HECTD2: variants seen among roughly 807,000 people sequenced by gnomAD.
HECTD2 encodes the protein HECT domain E3 ubiquitin protein ligase 2.
In HECTD2, 35 loss-of-function variants were observed where a neutral mutation model predicts 103.2. That is an observed-to-expected ratio of 0.34 (90% CI 0.26 to 0.45). The LOEUF is 0.45. Among genes scored for constraint, HECTD2 ranks in the 20% least tolerant of loss-of-function variants. The probability of loss-of-function intolerance (pLI) is 1.00; values close to 1 mark genes in which losing one functional copy is unlikely to be tolerated. For missense variants in HECTD2, 596 were observed against 937.4 expected (o/e 0.64, Z 4.76); for synonymous variants, 281 against 329.9 (o/e 0.85, Z 1.61).
intron 2 of HECTD2, among the ~76,000 whole-genome samples, chr10:91,459,867 C>A (rs917239766): frequency 5.9e-5 from 9 of 152,048 alleles, no homozygotes; most frequent in African/African-American, 1.9e-4. Flanking sequence ...CATTAAAATG[C>A]TATACAGATA....
intron 5 of HECTD2, chr10:91,463,462 GT>G (rs1845426385): frequency 6.6e-6 from 1 of 152,018 alleles, no homozygotes; most frequent in African/African-American, 2.4e-5. Flanking sequence ...GTATTCAAGA[GT>G]CAACTGTACT....
chr10:91,476,576 A>G (rs1049424468), intron 5 of HECTD2, among the ~76,000 whole-genome samples: 12 of 152,278 alleles, frequency 7.9e-5, no homozygotes, highest in African/African-American at 2.2e-4. Flanking sequence ...CCCAGGCAGG[A>G]TATGGCGCAA....
chr10:91,433,081 C>T (rs1196148512), intron 2 of HECTD2, among the ~76,000 whole-genome samples: 2 of 151,926 alleles, frequency 1.3e-5, no homozygotes, highest in Non-Finnish European at 2.9e-5. Flanking sequence ...ATTTTCAAGG[C>T]CCAAATAACT....
intron 5 of HECTD2, among the ~76,000 whole-genome samples, chr10:91,472,854 A>G (rs928657205): frequency 2.0e-5 from 3 of 152,222 alleles, no homozygotes; most frequent in African/African-American, 7.2e-5. Flanking sequence ...AAGTAGAGAA[A>G]TTAATAGATT....
At chr10:91,506,919 C>A (rs965600489) in intron 20 of HECTD2, among the ~76,000 whole-genome samples, 8 of 149,310 alleles carry the variant, frequency 5.4e-5, no homozygotes, top group East Asian at 1.9e-4. Context: ...CAAAAAGCTT[C>A]TCCACCATGA....
chr10:91,501,777 T>C (rs1846909597), intron 20 of HECTD2, among the ~76,000 whole-genome samples: 1 of 151,696 alleles, frequency 6.6e-6, no homozygotes, highest in Non-Finnish European at 1.5e-5. Context: ...ATACTAATCC[T>C]CTTTTTTTTT....
intron 5 of HECTD2, among the ~76,000 whole-genome samples, chr10:91,463,845 A>G (rs1434510474): frequency 6.6e-6 from 1 of 152,250 alleles, no homozygotes; most frequent in Non-Finnish European, 1.5e-5. Context: ...TGATGTAAGT[A>G]TAAATTGGTA....
intron 2 of HECTD2, among the ~76,000 whole-genome samples, chr10:91,438,030 C>T (rs1242455461): frequency 6.6e-5 from 10 of 151,920 alleles, no homozygotes. Context: ...CAGCACCATT[C>T]CCCTCAGGTA....
At chr10:91,455,674 TA>T (rs1845055835) in intron 2 of HECTD2, among the ~76,000 whole-genome samples, 2 of 152,198 alleles carry the variant, frequency 1.3e-5, no homozygotes, top group African/African-American at 4.8e-5. Flanking sequence ...TGGTATTGCC[TA>T]GGTTTTCTTC....
intron 20 of HECTD2, among the ~76,000 whole-genome samples, chr10:91,507,898 A>T (rs1333314873): frequency 1.9e-4 from 26 of 135,466 alleles, no homozygotes; most frequent in African/African-American, 8.3e-4. Flanking sequence ...TAACCAAAAC[A>T]GCATGGTACT....
rs1285636485 is a variant in HECTD2 at position 91,505,349 on chromosome 10, C to A, written c.2210+4015C>A. 5.3e-5 allele frequency among the ~76,000 whole-genome samples: 8 copies of A among 152,136 alleles called. 1 individual carries two copies. Among genetic ancestry groups the A allele is most frequent in the African/African-American group, 1.9e-4 (8 of 41,520 alleles). On this transcript the variant is annotated intron_variant, in intron 20 of 20. Transcript: ENST00000298068. ...TGGCAAATTGGATAAAGAGTCAAGA[C>A]CCATCAGTGTGCTGTATTCAGGAAA...
intron 1 of HECTD2, among the ~76,000 whole-genome samples, chr10:91,412,668 A>ATGTGTGTGTGTGTGTG (rs58691011): frequency 0.016 from 2,392 of 147,222 alleles, 77 homozygotes; most frequent in African/African-American, 0.052. Flanking sequence ...CTGTGGCAGA[A>ATGTGTGTGTGTGTGTG]TGTGTGTGTG....
intron 20 of HECTD2, among the ~76,000 whole-genome samples, chr10:91,503,336 G>A (rs1309786100): frequency 1.3e-5 from 2 of 152,122 alleles, no homozygotes; most frequent in African/African-American, 2.4e-5. Flanking sequence ...CGCAGAAGAT[G>A]GGTGATTTCT....
At chr10:91,422,365 C>T (rs1012086588) in intron 1 of HECTD2, among the ~76,000 whole-genome samples, 12 of 152,146 alleles carry the variant, frequency 7.9e-5, no homozygotes, top group Non-Finnish European at 1.8e-4. Context: ...TAGATGTTTA[C>T]AGCTAAGTTA....
In HECTD2 at chr10:91,478,279, T is replaced by G; in HGVS notation, c.665+14T>G. Reference sequence around the variant, plus strand: ...AGAATGGAAAGGGTAAACTAATATTTTCAATATTTAGCTAATCAGTATAGA... The same window carrying G: ...AGAATGGAAAGGGTAAACTAATATTGTCAATATTTAGCTAATCAGTATAGA... On this transcript the variant is annotated intron_variant, in intron 6 of 20. Coordinates refer to ENST00000298068, the MANE Select transcript of HECTD2 (RefSeq NM_182765.6). The G allele has an allele frequency of 6.7e-7, 1 of 1,494,728 alleles. No individual in the cohort carries two copies. The highest frequency in any genetic ancestry group is 9.3e-7 in the Non-Finnish European group (1 of 1,071,390). The allele number at this position is 1,494,728 out of a possible 1,614,324, so 92.6% of individuals were successfully genotyped here. A position where few individuals can be genotyped will look rare whatever the true frequency, so the allele number is the denominator to read the frequency against.
chr10:91,450,497 A>G (rs1437450443), intron 2 of HECTD2, among the ~76,000 whole-genome samples: 1 of 152,164 alleles, frequency 6.6e-6, no homozygotes, highest in African/African-American at 2.4e-5. Flanking sequence ...ACCAAAAACA[A>G]TGGCAACAAA....
At chr10:91,505,271 A>G (rs940761400) in intron 20 of HECTD2, among the ~76,000 whole-genome samples, 3 of 152,172 alleles carry the variant, frequency 2.0e-5, no homozygotes, top group Non-Finnish European at 4.4e-5. Flanking sequence ...CACACATAAC[A>G]CTATTAACTT....
At chr10:91,467,771 C>A (rs2133226492) in intron 5 of HECTD2, among the ~76,000 whole-genome samples, 1 of 152,254 alleles carries the variant, frequency 6.6e-6, no homozygotes, top group Non-Finnish European at 1.5e-5. Context: ...GTGCGTACCC[C>A]ACCAGGCTAC....
intron 18 of HECTD2, 105 bp from the exon 19 acceptor site, chr10:91,500,397 T>A: frequency 6.2e-5 from 25 of 400,062 alleles, no homozygotes; most frequent in Non-Finnish European, 1.0e-4. Context: ...TTTGATTTAC[T>A]ATGAGAAATC....
Sources: allele counts gnomAD v4.1 joint callset (sites outside exome capture counted in the v4.1 genomes callset), GRCh38; gene constraint gnomAD v4.1.1; transcripts MANE v1.5; gene names NCBI Gene and HGNC (gene_info 2026-07-23, HGNC 2026-07-21).